Variants in LIPI observed in about 807,000 individuals in gnomAD.
The protein encoded by LIPI is lipase I.
In LIPI, 59 loss-of-function variants were observed where a neutral mutation model predicts 50.6. The observed-to-expected ratio is 1.16, with a 90% CI of 0.94 to 1.45. LIPI has a LOEUF of 1.45. Among genes scored for constraint, LIPI ranks in the 40% most tolerant of loss-of-function variants. The pLI, the probability that LIPI is intolerant of heterozygous loss-of-function variation, is 0.00. For missense variants in LIPI, 586 were observed against 536.3 expected (o/e 1.09, Z -0.92); for synonymous variants, 203 against 178.2 (o/e 1.14, Z -1.11).
intron 7 of LIPI, among the ~76,000 whole-genome samples, chr21:14,153,964 T>G (rs1180775019): frequency 6.6e-6 from 1 of 152,198 alleles, no homozygotes; most frequent in Non-Finnish European, 1.5e-5. Flanking sequence ...TACATTAAAA[T>G]GCTTCAGGAT....
intron 9 of LIPI, among the ~76,000 whole-genome samples, chr21:14,131,286 G>A (rs534918792): frequency 2.6e-5 from 4 of 152,204 alleles, no homozygotes; most frequent in South Asian, 4.2e-4. Flanking sequence ...TAGCACTGGG[G>A]CCAGTATAGG....
intron 3 of LIPI, 21 bp downstream of exon 3, chr21:14,185,940 A>C (rs1327947106): frequency 7.6e-7 from 1 of 1,321,422 alleles, no homozygotes; most frequent in Non-Finnish European, 1.1e-6. Context: ...TAAAGCAATA[A>C]TTTTATAAAA....
chr21:14,164,869 C>T (rs554801274), intron 6 of LIPI, among the ~76,000 whole-genome samples: 18 of 152,042 alleles, frequency 1.2e-4, no homozygotes, highest in Admixed American at 5.2e-4. Context: ...AACAAAAAAA[C>T]CTCAGTGTTG....
At chr21:14,115,149 C>G (rs1403425902) in intron 9 of LIPI, among the ~76,000 whole-genome samples, 4 of 152,208 alleles carry the variant, frequency 2.6e-5, no homozygotes, top group Admixed American at 2.6e-4. Flanking sequence ...AGAATACTAA[C>G]TACCTGTTTT....
Position 14,207,333 on chromosome 21 carries a change from CTGTT to C in LIPI, c.46+3463_46+3466del, listed in dbSNP as rs1170128149. Among the ~76,000 whole-genome samples, 3 of 152,214 alleles carry C rather than the reference CTGTT, an allele frequency of 2.0e-5. No individual in the cohort carries two copies. In the East Asian group the frequency reaches 5.8e-4, roughly 29 times the overall value. On this transcript the variant is annotated intron_variant, in intron 1 of 9. Coordinates refer to ENST00000681601, the MANE Select transcript of LIPI (RefSeq NM_001302998.2). ...TGTTCCCAACATAAAGAAATGGTAA[CTGTT>C]TGAGATATCAATACACTAATTACTT...
At chr21:14,206,369 A>G (rs2020224858) in intron 1 of LIPI, among the ~76,000 whole-genome samples, 1 of 152,138 alleles carries the variant, frequency 6.6e-6, no homozygotes. Context: ...TTTGATTTCA[A>G]ATGCTTTTTC....
chr21:14,184,830 C>G (rs1216604523), intron 3 of LIPI, among the ~76,000 whole-genome samples: 1 of 152,110 alleles, frequency 6.6e-6, no homozygotes, highest in Non-Finnish European at 1.5e-5. Flanking sequence ...ATTTCTTGAC[C>G]CTCCTACATT....
At chr21:14,203,259 T>G (rs199705289) in intron 1 of LIPI, among the ~76,000 whole-genome samples, 5,275 of 152,156 alleles carry the variant, frequency 0.035, 256 homozygotes, top group East Asian at 0.26. Flanking sequence ...GTTCAACCAT[T>G]GTGGAAGTCA....
intron 7 of LIPI, among the ~76,000 whole-genome samples, chr21:14,153,857 C>A (rs570514196): frequency 6.6e-6 from 1 of 152,010 alleles, no homozygotes; most frequent in African/African-American, 2.4e-5. Context: ...CTGGGTCTTA[C>A]GTGAAAACAT....
intron 9 of LIPI, among the ~76,000 whole-genome samples, chr21:14,116,942 A>T (rs1416827403): frequency 6.6e-6 from 1 of 152,146 alleles, no homozygotes; most frequent in Non-Finnish European, 1.5e-5. Context: ...TAATTTATCC[A>T]TCTCTGGCAA....
At chr21:14,136,603 T>C (rs2123025406) in intron 9 of LIPI, among the ~76,000 whole-genome samples, 1 of 152,292 alleles carries the variant, frequency 6.6e-6, no homozygotes, top group South Asian at 2.1e-4. Context: ...CGCTGACCCC[T>C]GGATAGTACT....
In LIPI at chr21:14,144,756, C is replaced by G. The variant is rs769942211; in HGVS notation, c.1162G>C (p.Ala388Pro). The change falls in exon 9 of 10, where the codon GCT (alanine) becomes CCT (proline). Residue 388 changes from alanine to proline, a missense_variant. Ala to Pro is a conservative substitution (Grantham distance 27). Transcript: ENST00000681601. Reference protein sequence around the residue: ...FYKLQEVKILAQFYNDFVNIS... With the variant: ...FYKLQEVKILPQFYNDFVNIS... ...TTTACAAAGTCATTATAAAATTGAG[C>G]AAGAATCTTGACTTCTTGAAGTTTA... is the stretch of plus-strand genomic sequence containing the variant. The G allele has an allele frequency of 6.3e-7, 1 of 1,586,062 alleles. No individual in the cohort carries two copies. The highest frequency in any genetic ancestry group is 1.7e-5 in the Admixed American group (1 of 59,746).
intron 7 of LIPI, 124 bp downstream of exon 7, chr21:14,163,295 T>C (rs1191008404): frequency 6.5e-6 from 4 of 610,836 alleles, no homozygotes; most frequent in African/African-American, 5.6e-5. Flanking sequence ...TATAGCAAAT[T>C]TTAAATTTGC....
intron 9 of LIPI, among the ~76,000 whole-genome samples, chr21:14,129,795 A>ATTGT (rs2017213000): frequency 7.6e-6 from 1 of 131,092 alleles, no homozygotes; most frequent in Non-Finnish European, 1.7e-5. Flanking sequence ...AATGACTCTA[A>ATTGT]TTGTTTTTTT....
At position 14,108,912 on chromosome 21, in the gene LIPI, G is replaced by A. The variant is rs2016295596; in HGVS notation, c.*81C>T. On this transcript the variant is annotated 3_prime_UTR_variant, in exon 10 of 10. Coordinates refer to ENST00000681601, the MANE Select transcript of LIPI (RefSeq NM_001302998.2). The stretch of plus-strand genomic sequence containing the variant: ...ATACTTGAATCTCAAATTGAACAGT[G>A]CATTATAAAAGACTGATTGCATTGT... 2 of 1,543,876 alleles carry A rather than the reference G, an allele frequency of 1.3e-6. No individual in the cohort carries two copies. Among genetic ancestry groups the A allele is most frequent in the African/African-American group, 1.4e-5 (1 of 73,650 alleles).
intron 7 of LIPI, among the ~76,000 whole-genome samples, chr21:14,157,523 C>T (rs571990982): frequency 1.2e-4 from 18 of 151,806 alleles, no homozygotes; most frequent in African/African-American, 2.9e-4. Context: ...CTTTGGAGAA[C>T]GTTATAGTGG....
chr21:14,162,951 A>T (rs1279579645), intron 7 of LIPI, among the ~76,000 whole-genome samples: 1 of 151,590 alleles, frequency 6.6e-6, no homozygotes, highest in East Asian at 1.9e-4. Flanking sequence ...TATTTATTAT[A>T]TTTCTATGAG....
chr21:14,112,156 A>G (rs1289132597), intron 9 of LIPI, among the ~76,000 whole-genome samples: 2 of 151,830 alleles, frequency 1.3e-5, no homozygotes, highest in African/African-American at 4.8e-5. Context: ...GGGTGAATTT[A>G]TTTTATTTCT....
chr21:14,197,457 C>T (rs1568883290), intron 1 of LIPI, among the ~76,000 whole-genome samples: 1 of 151,914 alleles, frequency 6.6e-6, no homozygotes, highest in East Asian at 1.9e-4. Flanking sequence ...AAACACACTA[C>T]AAGAATTTCA....
Sources: gnomAD v4.1 joint callset for allele counts (sites outside exome capture counted in the v4.1 genomes callset) on GRCh38, gnomAD v4.1.1 for gene constraint, MANE v1.5 for transcripts, NCBI Gene and HGNC (gene_info 2026-07-23, HGNC 2026-07-21) for gene names.